ACSM4: variants seen among roughly 807,000 people sequenced by gnomAD.
ACSM4 encodes acyl-coenzyme A synthetase ACSM4, mitochondrial.
In ACSM4, 66 loss-of-function variants were observed where a neutral mutation model predicts 73.0. The observed-to-expected ratio is 0.90, with a 90% confidence interval of 0.74 to 1.11. The LOEUF (loss-of-function observed/expected upper bound fraction) is 1.11, where lower values mean the gene tolerates loss of function less well. ACSM4 is among the 50% of genes least tolerant of loss of function. ACSM4 has a pLI of 0.00. For missense variants in ACSM4, 645 were observed against 714.4 expected, an observed-to-expected ratio of 0.90 and a Z score of 1.11; for synonymous variants, 222 against 254.0, an observed-to-expected ratio of 0.87 and a Z score of 1.20.
chr12:7,323,758 C>T (rs941130993), intron 9 of ACSM4, among the ~76,000 whole-genome samples, 198 bp downstream of exon 9: 9 of 152,142 alleles, frequency 5.9e-5, no homozygotes, highest in African/African-American at 2.2e-4. Flanking sequence ...TGGTTATCCT[C>T]AGAAAGGAAA....
intron 1 of ACSM4, 120 bp from the exon 2 acceptor site, chr12:7,306,413 A>T (rs1203115923): frequency 1.1e-6 from 1 of 908,960 alleles, no homozygotes; most frequent in African/African-American, 1.7e-5. Context: ...AGACGAACTC[A>T]GGGCGCTGTT....
chr12:7,326,653 G>A (rs1483357139), intron 11 of ACSM4, among the ~76,000 whole-genome samples: 2 of 152,118 alleles, frequency 1.3e-5, no homozygotes, highest in African/African-American at 2.4e-5. Context: ...TGGAGTAAGT[G>A]GTCATCCATA....
chr12:7,306,375 T>G (rs990380238), intron 1 of ACSM4, among the ~76,000 whole-genome samples, 158 bp from the exon 2 acceptor site: 7 of 152,158 alleles, frequency 4.6e-5, no homozygotes, highest in African/African-American at 1.7e-4. Flanking sequence ...CAAGGCTGTG[T>G]TCAATAGGAG....
chr12:7,312,067 G>A (rs1946394108), intron 3 of ACSM4, among the ~76,000 whole-genome samples: 2 of 152,184 alleles, frequency 1.3e-5, no homozygotes, highest in Non-Finnish European at 2.9e-5. Flanking sequence ...CAACAGCAGA[G>A]TGGAGTAGTT....
At position 7,304,462 on chromosome 12, in the gene ACSM4, G is replaced by C. The variant is rs779540328; in HGVS notation, c.131G>C (p.Cys44Ser). 4.3e-6 allele frequency: 7 copies of C among 1,613,996 alleles called. No homozygotes were observed. The Admixed American group carries it at 1.2e-4, about 27-fold the overall frequency. ...GCTGACTTTGAAGCCATAAATCGCT[G>C]TAACAGGCCATTGCCTAAAAACTTT... The part of the protein sequence containing the change: ...TLADFEAINR[C>S]NRPLPKNFNF... Residue 44 changes from cysteine to serine, a missense_variant, in exon 1 of 13, where the codon TGT becomes TCT. Physicochemically the swap from Cys to Ser is moderately radical, Grantham distance 112 (BLOSUM62 -1). Transcript: ENST00000399422.
At chr12:7,323,103 A>G in intron 7 of ACSM4, 131 bp from the exon 8 acceptor site, 3 of 797,590 alleles carry the variant, frequency 3.8e-6, no homozygotes, top group East Asian at 2.7e-5. Context: ...CTGGTTTCAA[A>G]TAATATATTT....
At chr12:7,321,256 C>T (rs1946461599) in intron 6 of ACSM4, among the ~76,000 whole-genome samples, 1 of 152,188 alleles carries the variant, frequency 6.6e-6, no homozygotes. Context: ...AAGAAAAGCA[C>T]ATTTATACTG....
chr12:7,326,997 T>A lies in ACSM4; in HGVS notation c.1558T>A (p.Leu520Ile). 1 of 1,608,974 alleles carries A rather than the reference T, an allele frequency of 6.2e-7. No homozygotes were observed. Among genetic ancestry groups the A allele is most frequent in the Non-Finnish European group, 8.5e-7 (1 of 1,178,432 alleles). ...RGEVVKAFVV[L>I]AAPFKSYNPE... ...GCAGGTGGTGAAAGCTTTTGTTGTCTTAGCTGCACCCTTTAAGTCCTACAA... is the reference window on the plus strand; with the variant it reads ...GCAGGTGGTGAAAGCTTTTGTTGTCATAGCTGCACCCTTTAAGTCCTACAA... The change falls in exon 12 of 13, where the codon TTA becomes ATA. Residue 520 changes from leucine (L) to isoleucine (I), a missense_variant. Physicochemically the swap from Leu to Ile is conservative, Grantham distance 5. Transcript: ENST00000399422.
At chr12:7,322,885 G>A (rs902036147) in intron 7 of ACSM4, among the ~76,000 whole-genome samples, 1 of 152,130 alleles carries the variant, frequency 6.6e-6, no homozygotes, top group Non-Finnish European at 1.5e-5. Flanking sequence ...TGCATTTAAC[G>A]GAGTCCAAGG....
chr12:7,312,319 TATCTC>T (rs1176262648), intron 3 of ACSM4, among the ~76,000 whole-genome samples: 1 of 152,196 alleles, frequency 6.6e-6, no homozygotes, highest in Non-Finnish European at 1.5e-5. Context: ...ATACTGTACT[TATCTC>T]AAGTGTTGTT....
intron 8 of ACSM4, 61 bp from the exon 9 acceptor site, chr12:7,323,398 A>G (rs1946479243): frequency 2.5e-6 from 4 of 1,596,604 alleles, no homozygotes; most frequent in South Asian, 1.1e-5. Context: ...ACTATTCATA[A>G]GCTGCTTTCA....
intron 6 of ACSM4, among the ~76,000 whole-genome samples, chr12:7,322,148 C>T (rs193000713): frequency 1.3e-5 from 2 of 152,284 alleles, no homozygotes; most frequent in East Asian, 3.9e-4. Flanking sequence ...AGCATCTTCT[C>T]CTGCCTTTTT....
chr12:7,316,083 T>C (rs1946418901), intron 3 of ACSM4, among the ~76,000 whole-genome samples: 1 of 152,158 alleles, frequency 6.6e-6, no homozygotes, highest in Admixed American at 6.6e-5. Flanking sequence ...AGGACATAAG[T>C]CTGCCCTATA....
At chr12:7,327,239 G>A (rs1170571874) in intron 12 of ACSM4, 144 bp downstream of exon 12, 1 of 1,095,646 alleles carries the variant, frequency 9.1e-7, no homozygotes, top group East Asian at 2.7e-5. Context: ...TAAGAATTTT[G>A]CTTTAAAATG....
intron 5 of ACSM4, among the ~76,000 whole-genome samples, chr12:7,318,890 G>C (rs1946440179): frequency 6.6e-6 from 1 of 152,166 alleles, no homozygotes; most frequent in Non-Finnish European, 1.5e-5. Flanking sequence ...TGACAAGATG[G>C]TTTAAGGCAG....
intron 3 of ACSM4, among the ~76,000 whole-genome samples, chr12:7,316,583 G>T (rs979993999): frequency 3.3e-5 from 5 of 152,190 alleles, no homozygotes; most frequent in African/African-American, 1.2e-4. Flanking sequence ...GCACTTGATT[G>T]CCTGATACTT....
chr12:7,317,054 G>A, intron 3 of ACSM4, 83 bp from the exon 4 acceptor site: 1 of 1,469,268 alleles, frequency 6.8e-7, no homozygotes, highest in East Asian at 2.4e-5. Context: ...TAGCAAGAGG[G>A]CATAAGTAGT....
rs763097437 is a variant in ACSM4 at position 7,323,559 on chromosome 12, T to C, written c.1307T>C (p.Val436Ala). The stretch of plus-strand genomic sequence containing the variant: ...CCCTTCTGTTTCTTCTCTAAATATG[T>C]GGTATGAGGATAGAAAGTGCTGGTC... ...TRPFCFFSKYVDNPQKTAATI... is the reference protein window; with the variant it reads ...TRPFCFFSKYADNPQKTAATI... The change falls in exon 9 of 13, where the codon GTG (valine) becomes GCG (alanine). Residue 436 changes from valine to alanine, a missense_variant and splice_region_variant. Transcript: ENST00000399422. 1 of 1,611,126 alleles carries C rather than the reference T, an allele frequency of 6.2e-7. No individual in the cohort carries two copies. Among genetic ancestry groups the C allele is most frequent in the African/African-American group, 1.3e-5 (1 of 74,828 alleles).
chr12:7,318,415 G>A, intron 5 of ACSM4: 1 of 476,276 alleles, frequency 2.1e-6, no homozygotes, highest in Admixed American at 3.8e-5. Flanking sequence ...AAATAGCTCA[G>A]GATTTGCTAG....
Sources: allele counts gnomAD v4.1 joint callset (sites outside exome capture counted in the v4.1 genomes callset), GRCh38; gene constraint gnomAD v4.1.1; transcripts MANE v1.5; gene names NCBI Gene and HGNC (gene_info 2026-07-23, HGNC 2026-07-21).